Variants in DGKB observed in about 807,000 individuals in gnomAD.
The protein encoded by DGKB is 90 kDa diacylglycerol kinase.
DGKB carries 67 observed loss-of-function variants against 114.3 expected under a neutral mutation model. That is an observed-to-expected ratio of 0.59 (90% confidence interval 0.48 to 0.72). The LOEUF (loss-of-function observed/expected upper bound fraction) is 0.72, where lower values mean the gene tolerates loss of function less well. Among genes scored for constraint, DGKB ranks in the 30% least tolerant of loss-of-function variants. DGKB has a pLI of 0.00. For synonymous variants in DGKB, 398 were observed against 323.1 expected (o/e 1.23, Z -2.49); for missense variants, 907 against 975.2 (o/e 0.93, Z 0.93).
chr7:14,641,750 T>C (rs17168330), intron 13 of DGKB, among the ~76,000 whole-genome samples: 3,241 of 152,236 alleles, frequency 0.021, 51 homozygotes, highest in South Asian at 0.039. Context: ...TTTTGATCAC[T>C]GAAAATTTAA....
At chr7:14,534,667 G>C (rs1439730528) in intron 20 of DGKB, among the ~76,000 whole-genome samples, 1 of 152,058 alleles carries the variant, frequency 6.6e-6, no homozygotes, top group Non-Finnish European at 1.5e-5. Context: ...GAAACCAAAA[G>C]AGTTGGGATG....
chr7:14,409,713 CAAAAAAAAAAAAAAAAA>C lies in DGKB; in HGVS notation c.1836-64339_1836-64323del, dbSNP rs1164493208. Among the ~76,000 whole-genome samples, 150 of 88,312 alleles carry C rather than the reference CAAAAAAAAAAAAAAAAA, an allele frequency of 1.7e-3. 57 individuals carry two copies. The highest frequency in any genetic ancestry group is 7.8e-3 in the African/African-American group (142 of 18,214). 57.9% of individuals were successfully genotyped at this position (88,312 alleles called of 152,430 possible). On this transcript the variant is annotated intron_variant, in intron 21 of 25. Transcript: ENST00000402815. ...TGGGCGACAGAGCGAGACTCCGTCT[CAAAAAAAAAAAAAAAAA>C]AAAAAAAAAAAGTTGAATTGTTTGA...
chr7:14,892,954 G>A (rs553088734), intron 1 of DGKB, among the ~76,000 whole-genome samples: 1 of 146,502 alleles, frequency 6.8e-6, no homozygotes. Context: ...ACACACATAT[G>A]TGTGTGTATA....
intron 23 of DGKB, among the ~76,000 whole-genome samples, chr7:14,290,103 T>A (rs1434194077): frequency 6.6e-6 from 1 of 152,152 alleles, no homozygotes; most frequent in African/African-American, 2.4e-5. Flanking sequence ...ACTTCTTGTC[T>A]ATGTTCACAG....
At chr7:14,160,804 T>G (rs1163993559) in intron 25 of DGKB, among the ~76,000 whole-genome samples, 1 of 152,314 alleles carries the variant, frequency 6.6e-6, no homozygotes, top group Non-Finnish European at 1.5e-5. Flanking sequence ...AGAGCCCGTA[T>G]AGCCAAGACA....
intron 13 of DGKB, among the ~76,000 whole-genome samples, chr7:14,665,931 C>G (rs565045960): frequency 6.6e-6 from 1 of 152,004 alleles, no homozygotes; most frequent in South Asian, 2.1e-4. Context: ...ATTTCTGTGA[C>G]CTCACAAATT....
chr7:14,395,494 A>G (rs1035738764), intron 21 of DGKB, among the ~76,000 whole-genome samples: 4 of 151,918 alleles, frequency 2.6e-5, no homozygotes, highest in Non-Finnish European at 5.9e-5. Context: ...ATGTTTAAAG[A>G]TATGGGTAAA....
At chr7:14,456,416 C>G (rs1336140934) in intron 21 of DGKB, among the ~76,000 whole-genome samples, 2 of 152,000 alleles carry the variant, frequency 1.3e-5, no homozygotes, top group Admixed American at 1.3e-4. Context: ...AGTGGTAACT[C>G]AAGCTTTCAA....
intron 2 of DGKB, among the ~76,000 whole-genome samples, chr7:14,781,463 C>G (rs1039207555): frequency 6.6e-6 from 1 of 152,154 alleles, no homozygotes; most frequent in Non-Finnish European, 1.5e-5. Flanking sequence ...CTTCTACTAA[C>G]TATTCTGGTT....
chr7:14,903,423 G>C (rs980097324), upstream of DGKB: 3 of 152,362 alleles, frequency 2.0e-5, no homozygotes, highest in Admixed American at 1.3e-4. Context: ...GACAGGGGAG[G>C]AGACGGTGCA....
At chr7:14,178,393 T>C (rs1360534275) in intron 23 of DGKB, among the ~76,000 whole-genome samples, 1 of 140,886 alleles carries the variant, frequency 7.1e-6, no homozygotes, top group Non-Finnish European at 1.5e-5. Flanking sequence ...AAGCACAGAT[T>C]CTGAGCCAAA....
rs529761474 is a variant in DGKB at position 14,223,465 on chromosome 7, G to A, written c.2123-45314C>T. On this transcript the variant is annotated intron_variant, in intron 23 of 25. Transcript: ENST00000402815. ...TTACATCTATAAATGTTACAAACACGTTACTTTCCTACATTATTACATTAT... is the reference window on the plus strand; with the variant it reads ...TTACATCTATAAATGTTACAAACACATTACTTTCCTACATTATTACATTAT... Among the ~76,000 whole-genome samples the A allele has an allele frequency of 2.8e-4, 43 of 151,498 alleles. 1 individual carries two copies. Among genetic ancestry groups the A allele is most frequent in the African/African-American group, 2.7e-4 (11 of 41,382 alleles).
chr7:14,572,532 C>T (rs538534387), intron 20 of DGKB, among the ~76,000 whole-genome samples: 3 of 151,032 alleles, frequency 2.0e-5, no homozygotes, highest in Non-Finnish European at 4.4e-5. Flanking sequence ...ATTAAAGATA[C>T]AAAATTATAA....
intron 5 of DGKB, among the ~76,000 whole-genome samples, chr7:14,721,028 T>C (rs1412285650): frequency 1.3e-5 from 2 of 152,196 alleles, no homozygotes; most frequent in Non-Finnish European, 2.9e-5. Context: ...AGCTATGACC[T>C]AACTCATCCT....
chr7:14,705,930 A>T (rs1826141914), intron 6 of DGKB, among the ~76,000 whole-genome samples: 1 of 152,110 alleles, frequency 6.6e-6, no homozygotes, highest in African/African-American at 2.4e-5. Context: ...TCACCAGCTA[A>T]CATCATGATG....
chr7:14,887,582 A>G (rs915851518), intron 1 of DGKB, among the ~76,000 whole-genome samples: 10 of 151,754 alleles, frequency 6.6e-5, no homozygotes, highest in African/African-American at 2.4e-4. Context: ...TCTACTTAAC[A>G]TCATCACTTG....
intron 21 of DGKB, among the ~76,000 whole-genome samples, chr7:14,392,982 G>GTTTTTTTTTTTTTT (rs1298052301): frequency 7.3e-5 from 2 of 27,462 alleles, no homozygotes; most frequent in African/African-American, 1.8e-4. Context: ...AAACAGACCT[G>GTTTTTTTTTTTTTT]TTTTTTGTTT....
chr7:14,769,334 T>C (rs1837067029), intron 2 of DGKB, among the ~76,000 whole-genome samples: 1 of 151,968 alleles, frequency 6.6e-6, no homozygotes. Context: ...TTTTAGAGAT[T>C]TATAGTCCAT....
intron 17 of DGKB, among the ~76,000 whole-genome samples, chr7:14,605,395 T>G (rs186939130): frequency 6.7e-6 from 1 of 149,596 alleles, no homozygotes; most frequent in African/African-American, 2.5e-5. Context: ...TATATGTGTG[T>G]GTGTGTGTGT....
Sources: gnomAD v4.1 joint callset for allele counts (sites outside exome capture counted in the v4.1 genomes callset) on GRCh38, gnomAD v4.1.1 for gene constraint, MANE v1.5 for transcripts, NCBI Gene and HGNC (gene_info 2026-07-23, HGNC 2026-07-21) for gene names.